Variants in EPHA6 observed in about 807,000 individuals in gnomAD.
EPHA6 encodes ephrin type-A receptor 6.
In EPHA6, 50 loss-of-function variants were observed where a neutral mutation model predicts 112.0. The ratio of observed to expected loss-of-function variants is 0.45; its 90% CI spans 0.36 to 0.56. The LOEUF (loss-of-function observed/expected upper bound fraction) is 0.56. EPHA6 is among the 20% of genes least tolerant of loss of function. The pLI, the probability that EPHA6 is intolerant of heterozygous loss-of-function variation, is 0.00. For missense variants in EPHA6, 1,280 were observed against 1,417.4 expected (o/e 0.90, Z 1.56); for synonymous variants, 529 against 490.7 (o/e 1.08, Z -1.03).
At chr3:96,845,340 C>G (rs1286574982) in intron 1 of EPHA6, among the ~76,000 whole-genome samples, 1 of 152,022 alleles carries the variant, frequency 6.6e-6, no homozygotes, top group South Asian at 2.1e-4. Flanking sequence ...GGGCTAGTCT[C>G]ATGCTGTGCC....
At chr3:97,106,568 C>T (rs370704289) in intron 3 of EPHA6, among the ~76,000 whole-genome samples, 1 of 152,036 alleles carries the variant, frequency 6.6e-6, no homozygotes, top group Non-Finnish European at 1.5e-5. Context: ...CTCAGTAAAA[C>T]GTTGTACTCA....
chr3:96,848,011 A>G (rs1335984011), intron 1 of EPHA6, among the ~76,000 whole-genome samples: 2 of 152,142 alleles, frequency 1.3e-5, no homozygotes, highest in Admixed American at 6.6e-5. Context: ...TGTTAGCTGT[A>G]GGAAATGTGT....
rs2040337387 is a variant in EPHA6 at position 96,931,760 on chromosome 3, G to T, written c.451-55570G>T. Among the ~76,000 whole-genome samples the T allele has an allele frequency of 3.9e-5, 6 of 152,204 alleles. No homozygotes were observed. In the South Asian group the frequency reaches 1.2e-3, roughly 31 times the overall value. Reference sequence around the variant, plus strand: ...GCTGGCTGGAATTTCAAACCAGTGAGTCTTATCTTGTGAGGTATCATGGAA... The same window carrying T: ...GCTGGCTGGAATTTCAAACCAGTGATTCTTATCTTGTGAGGTATCATGGAA... On this transcript the variant is annotated intron_variant, in intron 2 of 17. Transcript: ENST00000389672.
At chr3:97,411,403 A>G (rs1361287569) in intron 6 of EPHA6, among the ~76,000 whole-genome samples, 1 of 152,108 alleles carries the variant, frequency 6.6e-6, no homozygotes, top group East Asian at 1.9e-4. Flanking sequence ...GCAACATTGC[A>G]GAGTCTGCAA....
At chr3:97,080,377 A>C (rs1352291562) in intron 3 of EPHA6, among the ~76,000 whole-genome samples, 1 of 152,086 alleles carries the variant, frequency 6.6e-6, no homozygotes, top group Non-Finnish European at 1.5e-5. Flanking sequence ...CTATTTTCCA[A>C]ACAAAACTTA....
chr3:96,821,728 C>T (rs1374372507), intron 1 of EPHA6, among the ~76,000 whole-genome samples: 1 of 151,266 alleles, frequency 6.6e-6, no homozygotes, highest in Non-Finnish European at 1.5e-5. Flanking sequence ...ACCAATTAAC[C>T]CCAATAAAGA....
intron 4 of EPHA6, 91 bp from the exon 5 acceptor site, chr3:97,243,861 G>A: frequency 1.1e-6 from 1 of 945,480 alleles, no homozygotes; most frequent in Non-Finnish European, 1.6e-6. Flanking sequence ...ACATAAAAGA[G>A]CAACAAGTGT....
chr3:96,957,557 A>T (rs963043512), intron 2 of EPHA6, among the ~76,000 whole-genome samples: 5 of 152,224 alleles, frequency 3.3e-5, no homozygotes, highest in African/African-American at 1.2e-4. Context: ...TTAAATTTCA[A>T]TCAGCTGTTA....
intron 11 of EPHA6, among the ~76,000 whole-genome samples, chr3:97,554,371 T>A (rs972431519): frequency 6.6e-6 from 1 of 152,170 alleles, no homozygotes; most frequent in Non-Finnish European, 1.5e-5. Context: ...TACACTTATA[T>A]ATTGTTTTAT....
chr3:97,484,054 G>A lies in EPHA6; in HGVS notation c.2195G>A (p.Gly732Glu). ...AGAATTCGTATTGAGAGAGTCATTG[G>A]GGCAGGTAAATGTCAAATCTACACT... ...PSRIRIERVI[G>E]AGEFGEVCSG... The change falls in exon 10 of 18, where the codon GGG (glycine) becomes GAG (glutamate). Residue 732 changes from glycine to glutamate, a missense_variant. Physicochemically the swap from Gly to Glu is moderately conservative, Grantham distance 98. This residue lies in a region of EPHA6 where 878 missense variants were observed against 999.7 expected (regional missense o/e 0.88). Coordinates refer to ENST00000389672, the MANE Select transcript of EPHA6 (RefSeq NM_001080448.3). 6.3e-7 allele frequency: 1 copy of A among 1,595,330 alleles called. No individual in the cohort carries two copies. Among genetic ancestry groups the A allele is most frequent in the East Asian group, 2.3e-5 (1 of 44,038 alleles).
At chr3:97,118,224 T>A (rs1299620705) in intron 3 of EPHA6, among the ~76,000 whole-genome samples, 2 of 151,866 alleles carry the variant, frequency 1.3e-5, no homozygotes, top group Admixed American at 6.6e-5. Context: ...TGTCAACTTC[T>A]GATTCAGAAT....
chr3:97,075,485 AC>A (rs1367609390), intron 3 of EPHA6, among the ~76,000 whole-genome samples: 25 of 152,172 alleles, frequency 1.6e-4, no homozygotes. Context: ...AACCTAAAGC[AC>A]TGTAACTTAA....
chr3:97,466,127 T>C, intron 7 of EPHA6: 1 of 514,324 alleles, frequency 1.9e-6, no homozygotes, highest in Non-Finnish European at 3.6e-6. Context: ...TGTTAGTCTT[T>C]CTGTAGAAAA....
At chr3:96,971,405 T>C (rs1050416716) in intron 2 of EPHA6, among the ~76,000 whole-genome samples, 3 of 152,122 alleles carry the variant, frequency 2.0e-5, no homozygotes, top group African/African-American at 7.2e-5. Context: ...CAAAGTGAAA[T>C]AGAAATGTAT....
chr3:96,943,308 A>C (rs930869729), intron 2 of EPHA6, among the ~76,000 whole-genome samples: 31 of 152,286 alleles, frequency 2.0e-4, no homozygotes, highest in Middle Eastern at 3.4e-3. Flanking sequence ...AGAAATGATA[A>C]ATTTTTGAAG....
At chr3:96,942,001 G>C (rs547358892) in intron 2 of EPHA6, among the ~76,000 whole-genome samples, 2 of 152,178 alleles carry the variant, frequency 1.3e-5, no homozygotes, top group Non-Finnish European at 1.5e-5. Flanking sequence ...GTATGCAGTC[G>C]TGTGAGGTGT....
Position 97,136,407 on chromosome 3 carries a change from G to T in EPHA6, c.1115-89857G>T, listed in dbSNP as rs116827057. 3.1e-3 allele frequency among the ~76,000 whole-genome samples: 469 copies of T among 152,176 alleles called. 3 individuals carry two copies. The highest frequency in any genetic ancestry group is 0.01 in the African/African-American group (427 of 41,530). The stretch of plus-strand genomic sequence containing the variant: ...AACTGCTATGTTAAACAGTGTATTA[G>T]AAAAGGCTGAATAAAGAAGTGAAAT... On this transcript the variant is annotated intron_variant, in intron 3 of 17. Transcript: ENST00000389672.
chr3:97,473,812 T>C (rs1014308875), intron 7 of EPHA6, among the ~76,000 whole-genome samples: 2 of 151,842 alleles, frequency 1.3e-5, no homozygotes, highest in African/African-American at 4.8e-5. Flanking sequence ...AAACCTTCAG[T>C]ACATTATTTA....
chr3:97,065,692 G>A (rs957571352), intron 3 of EPHA6, among the ~76,000 whole-genome samples: 3 of 152,028 alleles, frequency 2.0e-5, no homozygotes, highest in African/African-American at 7.2e-5. Context: ...CCAAAGTGTA[G>A]TATTGATAAT....
Sources: allele counts gnomAD v4.1 joint callset (sites outside exome capture counted in the v4.1 genomes callset), GRCh38; gene constraint gnomAD v4.1.1; regional missense constraint gnomAD v4.1.1; transcripts MANE v1.5; gene names NCBI Gene and HGNC (gene_info 2026-07-23, HGNC 2026-07-21).